ZNF737: variants seen among roughly 807,000 people sequenced by gnomAD.
ZNF737 encodes zinc finger protein 737.
In ZNF737, 13 loss-of-function variants were observed where a neutral mutation model predicts 11.7. The observed-to-expected ratio is 1.11, with a 90% CI of 0.73 to 1.77. The LOEUF is 1.77. Among genes scored for constraint, ZNF737 ranks in the 40% most tolerant of loss-of-function variants. The pLI is 0.00. For missense variants in ZNF737, 636 were observed against 638.0 expected, an observed-to-expected ratio of 1.00 and a Z score of 0.03; for synonymous variants, 217 against 216.2, an observed-to-expected ratio of 1.00 and a Z score of -0.03.
Position 20,542,287 on chromosome 19 carries a change from C to T in ZNF737, c.*2305G>A, listed in dbSNP as rs33931. The T allele has an allele frequency of 1.5e-5, 11 of 721,026 alleles. No individual in the cohort carries two copies. The highest frequency in any genetic ancestry group is 6.3e-5 in the Admixed American group (1 of 15,840). The allele number at this position is 721,026 out of a possible 1,614,324, so 44.7% of individuals were successfully genotyped here. ...CTTGTTGCCCAGACTGGAGTGCAAT[C>T]GCACAATCTTGCCCCACTGCAACCT... On this transcript the variant is annotated 3_prime_UTR_variant, in exon 4 of 4. Coordinates refer to ENST00000427401, the MANE Select transcript of ZNF737 (RefSeq NM_001159293.2).
chr19:20,559,973 T>C (rs563880966), intron 1 of ZNF737, among the ~76,000 whole-genome samples: 10 of 151,670 alleles, frequency 6.6e-5, no homozygotes, highest in African/African-American at 1.2e-4. Context: ...GAGACCATCC[T>C]GGCTAACAAG....
In ZNF737 at chr19:20,544,262, T is replaced by C; in HGVS notation, c.*330A>G. 25 of 1,104,768 alleles carry C rather than the reference T, an allele frequency of 2.3e-5. No homozygotes were observed. Among genetic ancestry groups the C allele is most frequent in the Non-Finnish European group, 2.5e-5 (23 of 906,648 alleles). 68.4% of individuals were successfully genotyped at this position (1,104,768 alleles called of 1,614,324 possible). ...AGCGTTGTCACATTCTTTATATTTG[T>C]AGGGTTTATGTTCCATATAAATTCT... On this transcript the variant is annotated 3_prime_UTR_variant, in exon 4 of 4. Coordinates refer to ENST00000427401, the MANE Select transcript of ZNF737 (RefSeq NM_001159293.2).
At chr19:20,565,005 G>A (rs1555763450) in intron 1 of ZNF737, among the ~76,000 whole-genome samples, 1 of 147,986 alleles carries the variant, frequency 6.8e-6, no homozygotes, top group African/African-American at 2.5e-5. Flanking sequence ...CAAGATCTCA[G>A]CTCACTGCAA....
chr19:20,531,880 C>G (rs1393536063), downstream of ZNF737, among the ~76,000 whole-genome samples: 2 of 150,260 alleles, frequency 1.3e-5, no homozygotes, highest in Non-Finnish European at 3.0e-5. Context: ...ATATTTCTAT[C>G]TAAACATTTA....
Position 20,540,948 on chromosome 19 carries a change from A to C in ZNF737, c.*3644T>G, listed in dbSNP as rs1968179804. The C allele has an allele frequency of 2.0e-6, 2 of 977,082 alleles. No homozygotes were observed. Among genetic ancestry groups the C allele is most frequent in the Admixed American group, 6.2e-5 (1 of 16,224 alleles). 60.5% of individuals were successfully genotyped at this position (977,082 alleles called of 1,614,324 possible). A position where few individuals can be genotyped will look rare whatever the true frequency, so the allele number is the denominator to read the frequency against. On this transcript the variant is annotated 3_prime_UTR_variant, in exon 4 of 4. Transcript: ENST00000427401. ...ACAATAAAAATATATCCAATTATTC[A>C]ATTTTGGTTGAATGTTCATTCAAAT...
In ZNF737 at chr19:20,538,618, C is replaced by A. The variant is rs1968071752; in HGVS notation, c.*5974G>T. The A allele has an allele frequency of 1.0e-6, 1 of 978,868 alleles. No individual in the cohort carries two copies. Among genetic ancestry groups the A allele is most frequent in the Non-Finnish European group, 1.2e-6 (1 of 823,978 alleles). The allele number at this position is 978,868 out of a possible 1,614,324, so 60.6% of individuals were successfully genotyped here. A position where few individuals can be genotyped will look rare whatever the true frequency, so the allele number is the denominator to read the frequency against. ...TTTATTTTCAAGTGCTATTTCTTTA[C>A]AGCTCCAGAGAACAAACATTTCTAA... On this transcript the variant is annotated 3_prime_UTR_variant, in exon 4 of 4. Transcript: ENST00000427401.
chr19:20,530,514 G>A, the ZNF737 span, among the ~76,000 whole-genome samples: 2 of 147,844 alleles, frequency 1.4e-5, no homozygotes, highest in African/African-American at 5.0e-5. Context: ...TCTCAGATGG[G>A]GCGGTTGCCA....
At chr19:20,555,247 A>G (rs543020871) in intron 1 of ZNF737, among the ~76,000 whole-genome samples, 3 of 151,722 alleles carry the variant, frequency 2.0e-5, no homozygotes, top group Admixed American at 2.0e-4. Context: ...CAGTGGCGCA[A>G]CCTTGGCTCA....
chr19:20,551,241 C>T (rs531995254), intron 3 of ZNF737: 2 of 151,930 alleles, frequency 1.3e-5, no homozygotes, highest in Non-Finnish European at 2.9e-5. Flanking sequence ...CCCTTGCCAA[C>T]ATGGTGAAAC....
chr19:20,542,929 C>G lies in ZNF737; in HGVS notation c.*1663G>C, dbSNP rs112255662. On this transcript the variant is annotated 3_prime_UTR_variant, in exon 4 of 4. Coordinates refer to ENST00000427401, the MANE Select transcript of ZNF737 (RefSeq NM_001159293.2). ...AATTTTATTCAAGGAAACAAGTATA[C>G]TTTCAACGTAATTACAATGCTTCCA... 53,140 of 984,876 alleles carry G rather than the reference C, an allele frequency of 0.054. 1,634 individuals carry two copies. The highest frequency in any genetic ancestry group is 0.11 in the African/African-American group (6,344 of 57,290). The allele number at this position is 984,876 out of a possible 1,614,324, so 61.0% of individuals were successfully genotyped here. A position where few individuals can be genotyped will look rare whatever the true frequency, so the allele number is the denominator to read the frequency against.
chr19:20,542,739 A>G lies in ZNF737; in HGVS notation c.*1853T>C. The G allele has an allele frequency of 4.1e-6, 4 of 984,516 alleles. No individual in the cohort carries two copies. The highest frequency in any genetic ancestry group is 4.8e-6 in the Non-Finnish European group (4 of 829,176). 61.0% of individuals were successfully genotyped at this position (984,516 alleles called of 1,614,324 possible). On this transcript the variant is annotated 3_prime_UTR_variant, in exon 4 of 4. Transcript: ENST00000427401. Reference sequence around the variant, plus strand: ...TTTTCATTATGCGTCTTACATTTTAATGTTCTTACTATTTTATAGAAAAAG... The same window carrying G: ...TTTTCATTATGCGTCTTACATTTTAGTGTTCTTACTATTTTATAGAAAAAG...
At chr19:20,552,677 C>T in intron 2 of ZNF737, 107 bp from the exon 3 acceptor site, 2 of 682,686 alleles carry the variant, frequency 2.9e-6, no homozygotes, top group Non-Finnish European at 4.4e-6. Context: ...TAAATTAATA[C>T]CAAAATACAA....
At position 20,539,422 on chromosome 19, in the gene ZNF737, A is replaced by T; in HGVS notation, c.*5170T>A. 1.0e-6 allele frequency: 1 copy of T among 985,418 alleles called. No homozygotes were observed. Among genetic ancestry groups the T allele is most frequent in the Non-Finnish European group, 1.2e-6 (1 of 829,914 alleles). The allele number at this position is 985,418 out of a possible 1,614,324, so 61.0% of individuals were successfully genotyped here. ...AAAAACAATCATTGAGCAAAGCTTA[A>T]ATCTTGCCTTTGTTTCTTGTTAGTC... On this transcript the variant is annotated 3_prime_UTR_variant, in exon 4 of 4. Transcript: ENST00000427401.
chr19:20,544,138 AAT>A lies in ZNF737; in HGVS notation c.*452_*453del. 1 of 1,002,954 alleles carries A rather than the reference AAT, an allele frequency of 1.0e-6. No homozygotes were observed. The highest frequency in any genetic ancestry group is 1.2e-6 in the Non-Finnish European group (1 of 840,404). 62.1% of individuals were successfully genotyped at this position (1,002,954 alleles called of 1,614,324 possible). ...CATGAAACTTCATCTCAAAAAAAAA[AAT>A]ATTGAAAACTTGTTATAGGATTTGC... On this transcript the variant is annotated 3_prime_UTR_variant, in exon 4 of 4. Transcript: ENST00000427401.
At chr19:20,531,738 G>C (rs1322575285), downstream of ZNF737, among the ~76,000 whole-genome samples, 1 of 150,068 alleles carries the variant, frequency 6.7e-6, no homozygotes, top group Non-Finnish European at 1.5e-5. Context: ...GCTTACAGGT[G>C]TGAGCCACAG....
Position 20,545,692 on chromosome 19 carries a change from T to G in ZNF737, c.511A>C (p.Lys171Gln), listed in dbSNP as rs782314635. The G allele has an allele frequency of 1.2e-6, 2 of 1,613,538 alleles. No individual in the cohort carries two copies. Among genetic ancestry groups the G allele is most frequent in the Non-Finnish European group, 1.7e-6 (2 of 1,179,690 alleles). ...NRHKIRHTGK[K>Q]PFKCIECGKA... ...CCACATTCTATACATTTGAAAGGTTTTTTTCCAGTATGTCTTATCTTATGT... is the reference window on the plus strand; with the variant it reads ...CCACATTCTATACATTTGAAAGGTTGTTTTCCAGTATGTCTTATCTTATGT... Residue 171 changes from lysine to glutamine, a missense_variant, in exon 4 of 4, where the codon AAA (lysine) becomes CAA (glutamine). Lys to Gln is a moderately conservative substitution (Grantham distance 53). Coordinates refer to ENST00000427401, the MANE Select transcript of ZNF737 (RefSeq NM_001159293.2).
intron 1 of ZNF737, among the ~76,000 whole-genome samples, chr19:20,554,862 CTTTTT>C (rs35282648): frequency 2.2e-4 from 30 of 136,964 alleles, no homozygotes; most frequent in Non-Finnish European, 1.7e-4. Context: ...ATAAGCATTT[CTTTTT>C]TTTTTTTTTT....
chr19:20,540,168 G>A lies in ZNF737; in HGVS notation c.*4424C>T. 4 of 985,342 alleles carry A rather than the reference G, an allele frequency of 4.1e-6. No homozygotes were observed. The highest frequency in any genetic ancestry group is 4.8e-6 in the Non-Finnish European group (4 of 829,892). The allele number at this position is 985,342 out of a possible 1,614,324, so 61.0% of individuals were successfully genotyped here. ...TTTTCCCGCCATGTGGCCACCATAA[G>A]CAGCTTACAACATGTTCTACCTAGA... On this transcript the variant is annotated 3_prime_UTR_variant, in exon 4 of 4. Coordinates refer to ENST00000427401, the MANE Select transcript of ZNF737 (RefSeq NM_001159293.2).
chr19:20,532,440 G>C (rs1264484651), downstream of ZNF737, among the ~76,000 whole-genome samples: 1 of 149,752 alleles, frequency 6.7e-6, no homozygotes, highest in East Asian at 2.0e-4. Context: ...CTCATTTTGT[G>C]TGTATATGTT....
Sources: allele counts gnomAD v4.1 joint callset (sites outside exome capture counted in the v4.1 genomes callset), GRCh38; gene constraint gnomAD v4.1.1; transcripts MANE v1.5; gene names NCBI Gene and HGNC (gene_info 2026-07-23, HGNC 2026-07-21).